The following CHMP2B variants were observed in gnomAD, a reference collection of about 807,000 sequenced individuals.
CHMP2B encodes the protein charged multivesicular body protein 2B.
CHMP2B carries 22 observed loss-of-function variants against 29.8 expected under a neutral mutation model. The observed-to-expected ratio is 0.74, with a 90% CI of 0.53 to 1.05. CHMP2B has a LOEUF of 1.05. Among genes scored for constraint, CHMP2B ranks in the 50% least tolerant of loss-of-function variants. CHMP2B has a pLI of 0.00. For missense variants in CHMP2B, 261 were observed against 252.2 expected (o/e 1.03, Z -0.24); for synonymous variants, 78 against 75.8 (o/e 1.03, Z -0.15).
intron 4 of CHMP2B, among the ~76,000 whole-genome samples, chr3:87,251,762 G>A (rs1042655397): frequency 1.3e-5 from 2 of 151,798 alleles, no homozygotes; most frequent in East Asian, 3.9e-4. Flanking sequence ...CCTCTGATGA[G>A]CATTATTACA....
intron 4 of CHMP2B, among the ~76,000 whole-genome samples, chr3:87,250,717 A>C (rs770675359): frequency 6.6e-6 from 1 of 151,956 alleles, no homozygotes; most frequent in Non-Finnish European, 1.5e-5. Context: ...ATGTTGGTCA[A>C]TAAGATTGTT....
intron 1 of CHMP2B, among the ~76,000 whole-genome samples, chr3:87,238,693 T>A (rs1706060304): frequency 6.6e-6 from 1 of 152,326 alleles, no homozygotes; most frequent in East Asian, 1.9e-4. Flanking sequence ...TTTGTTTATC[T>A]GTGCACCTCT....
Position 87,253,388 on chromosome 3 carries a change from C to T in CHMP2B, c.425-16C>T, listed in dbSNP as rs368279409. On this transcript the variant is annotated splice_polypyrimidine_tract_variant and intron_variant, in intron 4 of 5. Transcript: ENST00000263780. ...TTTGAAAGTAACTGCTTTGCTCCTT[C>T]TCCCATATCCCCTAGTCAATGATAC... 1.2e-5 allele frequency: 18 copies of T among 1,460,496 alleles called. No individual in the cohort carries two copies. In the African/African-American group the frequency reaches 1.7e-4, roughly 14 times the overall value. The allele number at this position is 1,460,496 out of a possible 1,614,324, so 90.5% of individuals were successfully genotyped here.
chr3:87,245,659 T>G, intron 2 of CHMP2B, 55 bp from the exon 3 acceptor site: 1 of 1,427,650 alleles, frequency 7.0e-7, no homozygotes. Context: ...TGAAATAAAT[T>G]ATTGACGACT....
chr3:87,245,872 A>C lies in CHMP2B; in HGVS notation c.285A>C (p.Gln95His), dbSNP rs1186426601. 6.2e-7 allele frequency: 1 copy of C among 1,613,252 alleles called. No individual in the cohort carries two copies. Among genetic ancestry groups the C allele is most frequent in the African/African-American group, 1.3e-5 (1 of 74,888 alleles). Residue 95 changes from glutamine to histidine, a missense_variant, in exon 3 of 6, where the codon CAA becomes CAC. Physicochemically the swap from Gln to His is conservative, Grantham distance 24. Coordinates refer to ENST00000263780, the MANE Select transcript of CHMP2B (RefSeq NM_014043.4). ...MSTQTKVMNS[Q>H]MKMAGAMSTT... ...CACAAACAAAAGTGATGAATTCCCA[A>C]ATGAAGATGGCTGGAGCAATGTCTA...
intron 1 of CHMP2B, among the ~76,000 whole-genome samples, chr3:87,231,944 C>T (rs1464376378): frequency 6.6e-6 from 1 of 152,112 alleles, no homozygotes; most frequent in Non-Finnish European, 1.5e-5. Context: ...CTTATTCTGT[C>T]TCTTCTACAT....
chr3:87,244,323 C>T (rs554719438), intron 2 of CHMP2B, among the ~76,000 whole-genome samples: 35 of 151,468 alleles, frequency 2.3e-4, no homozygotes, highest in African/African-American at 7.7e-4. Flanking sequence ...GGATTACAGG[C>T]GTGAGCCACA....
chr3:87,235,615 A>G (rs796175432), intron 1 of CHMP2B, among the ~76,000 whole-genome samples: 21 of 152,334 alleles, frequency 1.4e-4, no homozygotes, highest in African/African-American at 5.1e-4. Flanking sequence ...ATTGAGAAAA[A>G]TTAAACTATT....
At chr3:87,230,423 C>T (rs370386625) in intron 1 of CHMP2B, among the ~76,000 whole-genome samples, 21 of 152,234 alleles carry the variant, frequency 1.4e-4, no homozygotes, top group African/African-American at 5.1e-4. Context: ...GAACTAGGAC[C>T]TCATCCCTTT....
At chr3:87,229,757 A>G (rs950671399) in intron 1 of CHMP2B, among the ~76,000 whole-genome samples, 1 of 152,034 alleles carries the variant, frequency 6.6e-6, no homozygotes, top group Admixed American at 6.6e-5. Context: ...GGAAACATGT[A>G]CCTGCCTATA....
At position 87,254,183 on chromosome 3, in the gene CHMP2B, A is replaced by G. The variant is rs910304227; in HGVS notation, c.*361A>G. On this transcript the variant is annotated 3_prime_UTR_variant, in exon 6 of 6. Coordinates refer to ENST00000263780, the MANE Select transcript of CHMP2B (RefSeq NM_014043.4). ...TAAATGCCATTAGGCACCAACTTAA[A>G]GAGGGTTGTAAAAATATTAAAAGTA... is the stretch of plus-strand genomic sequence containing the variant. 4.4e-6 allele frequency: 1 copy of G among 226,030 alleles called. No individual in the cohort carries two copies. Among genetic ancestry groups the G allele is most frequent in the Non-Finnish European group, 8.9e-6 (1 of 112,514 alleles). The allele number at this position is 226,030 out of a possible 1,614,324, so 14.0% of individuals were successfully genotyped here. A position where few individuals can be genotyped will look rare whatever the true frequency, so the allele number is the denominator to read the frequency against.
At chr3:87,242,909 G>T (rs1706145696) in intron 2 of CHMP2B, among the ~76,000 whole-genome samples, 1 of 151,876 alleles carries the variant, frequency 6.6e-6, no homozygotes, top group Non-Finnish European at 1.5e-5. Context: ...AATTGTTTTG[G>T]CTATTTTAGG....
At chr3:87,237,401 A>G (rs1706035950) in intron 1 of CHMP2B, among the ~76,000 whole-genome samples, 1 of 152,220 alleles carries the variant, frequency 6.6e-6, no homozygotes, top group Admixed American at 6.5e-5. Flanking sequence ...GAACACAGCA[A>G]GAAGGTGGCC....
intron 4 of CHMP2B, among the ~76,000 whole-genome samples, chr3:87,252,154 G>C (rs1302129181): frequency 6.6e-6 from 1 of 151,856 alleles, no homozygotes; most frequent in Non-Finnish European, 1.5e-5. Context: ...ATGGCTCATA[G>C]ATTATAGGTT....
chr3:87,249,247 C>T (rs903851432), intron 3 of CHMP2B, among the ~76,000 whole-genome samples: 34 of 152,122 alleles, frequency 2.2e-4, no homozygotes, highest in Middle Eastern at 3.4e-3. Context: ...GGGCCACTGT[C>T]GTATATGCTG....
chr3:87,227,997 G>A (rs915705952), intron 1 of CHMP2B, among the ~76,000 whole-genome samples: 7 of 152,214 alleles, frequency 4.6e-5, no homozygotes, highest in Admixed American at 2.0e-4. Context: ...GCTCCAGTTA[G>A]GAAATGAAGT....
intron 2 of CHMP2B, 78 bp from the exon 3 acceptor site, chr3:87,245,636 A>T: frequency 1.7e-6 from 2 of 1,176,184 alleles, no homozygotes; most frequent in Non-Finnish European, 2.5e-6. Context: ...TATGTGTATT[A>T]GATCTGTTCT....
intron 2 of CHMP2B, among the ~76,000 whole-genome samples, chr3:87,244,657 G>A (rs908477988): frequency 3.4e-4 from 52 of 151,722 alleles, no homozygotes; most frequent in African/African-American, 1.2e-3. Flanking sequence ...TGAATTTTGA[G>A]TTTCATTGTA....
At chr3:87,253,182 C>CTATAAGATAA (rs1706346832) in intron 4 of CHMP2B, 2 of 459,784 alleles carry the variant, frequency 4.3e-6, no homozygotes, top group Non-Finnish European at 7.9e-6. Flanking sequence ...GACTTGTTTG[C>CTATAAGATAA]TATAAGATAA....
Sources: gnomAD v4.1 joint callset for allele counts (sites outside exome capture counted in the v4.1 genomes callset) on GRCh38, gnomAD v4.1.1 for gene constraint, MANE v1.5 for transcripts, NCBI Gene and HGNC (gene_info 2026-07-23, HGNC 2026-07-21) for gene names.